Variants in RANBP2 observed in about 807,000 individuals in gnomAD.
RANBP2 encodes the protein E3 SUMO-protein ligase RanBP2.
In RANBP2, 57 loss-of-function variants were observed where a neutral mutation model predicts 303.6. That is an observed-to-expected ratio of 0.19 (90% CI 0.15 to 0.23). The LOEUF (loss-of-function observed/expected upper bound fraction) is 0.23. RANBP2 is among the 10% of genes least tolerant of loss of function. RANBP2 has a pLI of 1.00. For missense variants in RANBP2, 3,138 were observed against 3,780.8 expected (o/e 0.83, Z 4.46); for synonymous variants, 1,167 against 1,301.5 (o/e 0.90, Z 2.23).
chr2:109,325,282 A>G, the RANBP2 span, among the ~76,000 whole-genome samples: 4 of 145,814 alleles, frequency 2.7e-5, no homozygotes, highest in East Asian at 8.5e-4. Flanking sequence ...GAATCCCAGG[A>G]GTCATTGGAT....
the RANBP2 span, among the ~76,000 whole-genome samples, chr2:109,046,290 C>T: frequency 7.3e-6 from 1 of 137,352 alleles, no homozygotes; most frequent in Non-Finnish European, 1.5e-5. Flanking sequence ...GGCGACAGTG[C>T]AAGACTCTGT....
At chr2:108,948,182 A>G in the RANBP2 span, among the ~76,000 whole-genome samples, 2 of 152,342 alleles carry the variant, frequency 1.3e-5, no homozygotes, top group East Asian at 1.9e-4. Context: ...GCATAGCAAG[A>G]GTGACCTTTG....
At chr2:108,909,799 G>A in the RANBP2 span, among the ~76,000 whole-genome samples, 8 of 152,332 alleles carry the variant, frequency 5.3e-5, no homozygotes, top group South Asian at 1.2e-3. Context: ...CGCGGGAAAG[G>A]CTTCACCTGC....
intron 23 of RANBP2, among the ~76,000 whole-genome samples, chr2:108,773,752 T>C (rs1427784792): frequency 1.3e-5 from 2 of 151,820 alleles, no homozygotes; most frequent in Admixed American, 1.3e-4. Flanking sequence ...GTTCAAGTGA[T>C]TCTCCTGCCT....
chr2:109,308,292 T>C, the RANBP2 span, among the ~76,000 whole-genome samples: 1 of 123,750 alleles, frequency 8.1e-6, no homozygotes, highest in African/African-American at 4.1e-5. Flanking sequence ...CTTGTAAATT[T>C]GTTTGAGTTC....
chr2:109,692,314 G>T, the RANBP2 span, among the ~76,000 whole-genome samples: 2 of 152,028 alleles, frequency 1.3e-5, no homozygotes, highest in Non-Finnish European at 2.9e-5. Context: ...AGGGCGCTGG[G>T]GTTACAGCAG....
At chr2:109,357,535 C>G in the RANBP2 span, among the ~76,000 whole-genome samples, 1 of 152,196 alleles carries the variant, frequency 6.6e-6, no homozygotes, top group African/African-American at 2.4e-5. Context: ...GCTCCTGTGC[C>G]TCTGACAGTT....
the RANBP2 span, among the ~76,000 whole-genome samples, chr2:109,526,301 C>A: frequency 2.0e-5 from 3 of 152,092 alleles, no homozygotes; most frequent in Non-Finnish European, 4.4e-5. Context: ...GCCACTCTCA[C>A]CTCCTTTTTA....
chr2:109,257,284 T>G, the RANBP2 span, among the ~76,000 whole-genome samples: 1 of 152,114 alleles, frequency 6.6e-6, no homozygotes, highest in South Asian at 2.1e-4. Flanking sequence ...GTCAGCTGTT[T>G]CTGCTTTTAA....
chr2:109,710,094 A>G, the RANBP2 span, among the ~76,000 whole-genome samples: 1 of 150,534 alleles, frequency 6.6e-6, no homozygotes, highest in African/African-American at 2.5e-5. Context: ...CTCAAAAAAA[A>G]AAAAAAGCCA....
At chr2:108,720,891 CA>C (rs1345582060) in intron 1 of RANBP2, among the ~76,000 whole-genome samples, 2 of 151,980 alleles carry the variant, frequency 1.3e-5, no homozygotes, top group African/African-American at 4.8e-5. Context: ...ACTAAAAATA[CA>C]AAAAAAGTTA....
chr2:108,923,982 G>A, the RANBP2 span, among the ~76,000 whole-genome samples: 1 of 152,378 alleles, frequency 6.6e-6, no homozygotes, highest in African/African-American at 2.4e-5. Context: ...GAGACAGACG[G>A]TTGTGCTGTC....
the RANBP2 span, among the ~76,000 whole-genome samples, chr2:109,577,944 T>C: frequency 4.8e-4 from 71 of 148,854 alleles, no homozygotes; most frequent in Admixed American, 2.7e-3. Flanking sequence ...AGAGTTAATA[T>C]ATAATAGCAA....
chr2:109,594,197 C>A, the RANBP2 span, among the ~76,000 whole-genome samples: 3 of 152,134 alleles, frequency 2.0e-5, no homozygotes, highest in Non-Finnish European at 4.4e-5. Flanking sequence ...GTACTGCTAT[C>A]CTACTTCTGA....
In RANBP2 at chr2:108,735,802, C is replaced by T. The variant is rs184638367; in HGVS notation, c.636+40C>T. On this transcript the variant is annotated intron_variant, in intron 5 of 28. Coordinates refer to ENST00000283195, the MANE Select transcript of RANBP2 (RefSeq NM_006267.5). The stretch of plus-strand genomic sequence containing the variant: ...TTGGGTCTTTACATTTCTATGTAGG[C>T]AATTAGCATACATCTTTTTGTACTA... 13,871 of 1,597,536 alleles carry T rather than the reference C, an allele frequency of 8.7e-3. 80 individuals are homozygous for T. The highest frequency in any genetic ancestry group is 9.7e-3 in the Non-Finnish European group (11,446 of 1,179,762).
chr2:109,446,175 C>T, the RANBP2 span, among the ~76,000 whole-genome samples: 2 of 152,180 alleles, frequency 1.3e-5, no homozygotes, highest in Non-Finnish European at 2.9e-5. Flanking sequence ...CTTCACCAGC[C>T]AGTGTCATGA....
chr2:108,916,261 G>A, the RANBP2 span, among the ~76,000 whole-genome samples: 133,957 of 152,260 alleles, frequency 0.88, 59,096 homozygotes, highest in East Asian at 0.95. Context: ...AAGAACAGCC[G>A]TGGGCTGTCT....
At chr2:108,954,937 G>A in the RANBP2 span, among the ~76,000 whole-genome samples, 1 of 152,104 alleles carries the variant, frequency 6.6e-6, no homozygotes, top group Admixed American at 6.6e-5. Flanking sequence ...GTCTGCCTCA[G>A]CCTCCCAAAG....
the RANBP2 span, among the ~76,000 whole-genome samples, chr2:108,821,710 T>G: frequency 6.6e-6 from 1 of 151,872 alleles, no homozygotes; most frequent in Non-Finnish European, 1.5e-5. Flanking sequence ...TTTGGGAGGC[T>G]GAGACAGGTG....
Sources: gnomAD v4.1 joint callset for allele counts (sites outside exome capture counted in the v4.1 genomes callset) on GRCh38, gnomAD v4.1.1 for gene constraint, MANE v1.5 for transcripts, NCBI Gene and HGNC (gene_info 2026-07-23, HGNC 2026-07-21) for gene names.